Variants in CTNNA3 observed in about 807,000 individuals in gnomAD.
CTNNA3 encodes the protein catenin alpha 3.
Under a neutral mutation model 95.7 loss-of-function variants are expected in CTNNA3, and 76 were observed. The observed-to-expected ratio is 0.79, with a 90% CI of 0.66 to 0.96. The LOEUF (loss-of-function observed/expected upper bound fraction) is 0.96, where lower values mean the gene tolerates loss of function less well. Among genes scored for constraint, CTNNA3 ranks in the 40% least tolerant of loss-of-function variants. CTNNA3 has a pLI of 0.00. For synonymous variants in CTNNA3, 431 were observed against 374.4 expected (o/e 1.15, Z -1.74); for missense variants, 1,191 against 1,089.8 (o/e 1.09, Z -1.31).
At chr10:66,388,689 G>A (rs763871171) in intron 11 of CTNNA3, among the ~76,000 whole-genome samples, 3 of 108,156 alleles carry the variant, frequency 2.8e-5, no homozygotes, top group Non-Finnish European at 3.5e-5. Context: ...ATAAAATAAC[G>A]AAAAGAAGCT....
chr10:67,389,347 A>G (rs1306843335), intron 5 of CTNNA3, among the ~76,000 whole-genome samples: 2 of 150,360 alleles, frequency 1.3e-5, no homozygotes, highest in Non-Finnish European at 3.0e-5. Context: ...GATCAATTCA[A>G]CAAGAAGAGC....
At chr10:66,698,152 C>T (rs1328146488) in intron 9 of CTNNA3, among the ~76,000 whole-genome samples, 1 of 152,130 alleles carries the variant, frequency 6.6e-6, no homozygotes, top group Non-Finnish European at 1.5e-5. Flanking sequence ...TGTAAACATT[C>T]CCTTAAACAG....
chr10:67,015,487 T>C (rs866941623), intron 7 of CTNNA3: 1 of 152,166 alleles, frequency 6.6e-6, no homozygotes, highest in Non-Finnish European at 1.5e-5. Flanking sequence ...TGTGTAGTAA[T>C]TGCTTCTCTG....
intron 7 of CTNNA3, among the ~76,000 whole-genome samples, chr10:67,035,583 C>A (rs893051541): frequency 1.3e-5 from 2 of 151,898 alleles, no homozygotes; most frequent in African/African-American, 4.8e-5. Flanking sequence ...ATTCCAAAAA[C>A]CCTATCAGAA....
chr10:67,475,946 G>C (rs1313743198), intron 5 of CTNNA3, among the ~76,000 whole-genome samples: 2 of 152,188 alleles, frequency 1.3e-5, no homozygotes, highest in East Asian at 3.8e-4. Context: ...AGATTGAGTT[G>C]AAGGAAAATA....
At chr10:65,974,918 C>T (rs373305753) in intron 16 of CTNNA3, among the ~76,000 whole-genome samples, 2 of 151,772 alleles carry the variant, frequency 1.3e-5, no homozygotes, top group Non-Finnish European at 2.9e-5. Flanking sequence ...TTTTTTAAAG[C>T]TTTTATTCTA....
intron 7 of CTNNA3, among the ~76,000 whole-genome samples, chr10:67,089,038 A>T (rs1469977470): frequency 2.0e-5 from 3 of 152,066 alleles, no homozygotes; most frequent in African/African-American, 7.2e-5. Context: ...GGTGATTTTA[A>T]ATATATGGGA....
At chr10:67,171,624 C>A (rs752712275) in intron 7 of CTNNA3, among the ~76,000 whole-genome samples, 68 of 151,096 alleles carry the variant, frequency 4.5e-4, no homozygotes, top group Admixed American at 1.9e-3. Flanking sequence ...TGGTAGTGCA[C>A]ACCCGTAGTC....
intron 10 of CTNNA3, among the ~76,000 whole-genome samples, chr10:66,601,531 T>C (rs1843922538): frequency 6.6e-6 from 1 of 151,926 alleles, no homozygotes; most frequent in East Asian, 1.9e-4. Context: ...TTATAGCTTC[T>C]GGATCTCAAT....
chr10:65,925,308 T>C (rs1171373770), intron 17 of CTNNA3, among the ~76,000 whole-genome samples: 2 of 152,136 alleles, frequency 1.3e-5, no homozygotes, highest in African/African-American at 4.8e-5. Flanking sequence ...ATCGAAACAG[T>C]AAAAATGAAA....
chr10:65,967,149 G>A (rs537331220), intron 16 of CTNNA3, among the ~76,000 whole-genome samples: 21 of 151,440 alleles, frequency 1.4e-4, no homozygotes, highest in African/African-American at 4.4e-4. Context: ...GTAGAGACAG[G>A]GTTTCACCGT....
chr10:67,377,072 C>T (rs1291951916), intron 5 of CTNNA3, among the ~76,000 whole-genome samples: 1 of 152,166 alleles, frequency 6.6e-6, no homozygotes, highest in African/African-American at 2.4e-5. Flanking sequence ...TGCTCTCTTC[C>T]TCTAGGGATG....
rs2077974790 is a variant in CTNNA3, at chr10:65,966,705, C to G, written c.2307G>C (p.Leu769=). ...GGTGGGAGTAGAACTTAATCTGTTC[C>G]AGGTAGGCCAACAAGTCCTGTTTAC... ...PSCKQDLLAY[L]EQIKFYSHQL... The change falls in exon 17 of 18, where the codon CTG becomes CTC. Residue 769 remains leucine, a synonymous_variant. Coordinates refer to ENST00000433211, the MANE Select transcript of CTNNA3 (RefSeq NM_013266.4). 6.2e-7 allele frequency: 1 copy of G among 1,613,216 alleles called. No individual in the cohort carries two copies. Among genetic ancestry groups the G allele is most frequent in the South Asian group, 1.1e-5 (1 of 91,016 alleles).
intron 13 of CTNNA3, among the ~76,000 whole-genome samples, chr10:66,270,916 C>T (rs760511849): frequency 3.9e-5 from 6 of 152,122 alleles, no homozygotes; most frequent in Non-Finnish European, 8.8e-5. Flanking sequence ...AGGATAAGTG[C>T]TCTTTAACAA....
At chr10:66,805,586 A>T (rs1182560030) in intron 7 of CTNNA3, among the ~76,000 whole-genome samples, 1 of 151,204 alleles carries the variant, frequency 6.6e-6, no homozygotes, top group African/African-American at 2.4e-5. Flanking sequence ...GGGGGGAGAA[A>T]AACATAAGGA....
intron 13 of CTNNA3, among the ~76,000 whole-genome samples, chr10:66,140,498 C>G (rs1281620719): frequency 2.0e-5 from 3 of 152,164 alleles, no homozygotes; most frequent in Non-Finnish European, 4.4e-5. Context: ...GTTACGATTT[C>G]TCTAATTTTA....
intron 15 of CTNNA3, among the ~76,000 whole-genome samples, chr10:66,003,994 T>A (rs1589237632): frequency 6.6e-6 from 1 of 152,218 alleles, no homozygotes; most frequent in African/African-American, 2.4e-5. Context: ...CTTTGTCCTA[T>A]AAACAAGAAA....
chr10:66,432,074 A>T (rs942749351), intron 11 of CTNNA3, among the ~76,000 whole-genome samples: 2 of 152,040 alleles, frequency 1.3e-5, no homozygotes, highest in Non-Finnish European at 2.9e-5. Flanking sequence ...ATTTTTTGGA[A>T]TTCGTAAAAT....
upstream of CTNNA3, among the ~76,000 whole-genome samples, chr10:67,699,917 C>A (rs1841021856): frequency 6.6e-6 from 1 of 152,252 alleles, no homozygotes; most frequent in African/African-American, 2.4e-5. Flanking sequence ...GTCACTCCCA[C>A]CCTAATACTG....
Sources: allele counts gnomAD v4.1 joint callset (sites outside exome capture counted in the v4.1 genomes callset), GRCh38; gene constraint gnomAD v4.1.1; transcripts MANE v1.5; gene names NCBI Gene and HGNC (gene_info 2026-07-23, HGNC 2026-07-21).